The following AADAT variants were observed in gnomAD, a reference collection of about 807,000 sequenced individuals.
The protein encoded by AADAT is aminoadipate aminotransferase, also known as kynurenine/alpha-aminoadipate aminotransferase, mitochondrial.
In AADAT, 25 loss-of-function variants were observed where a neutral mutation model predicts 56.2. The observed-to-expected ratio is 0.44, with a 90% CI of 0.32 to 0.62. The LOEUF (loss-of-function observed/expected upper bound fraction) is 0.62, where lower values mean the gene tolerates loss of function less well. Ranked by LOEUF, AADAT falls within the 20% of genes least tolerant of loss-of-function variation. The pLI is 0.04. For missense variants in AADAT, 387 were observed against 510.5 expected (o/e 0.76, Z 2.33); for synonymous variants, 173 against 164.7 (o/e 1.05, Z -0.39).
Position 170,087,255 on chromosome 4 carries a change from C to A in AADAT, c.237-7G>T. The A allele has an allele frequency of 6.2e-7, 1 of 1,600,486 alleles. No individual in the cohort carries two copies. The highest frequency in any genetic ancestry group is 1.8e-5 in the Admixed American group (1 of 56,556). ...GGACAAAAGCTCTGGAATTCTAAAG[C>A]AAAAAATGTATATTTAAATTCATAG... On this transcript the variant is annotated splice_polypyrimidine_tract_variant and splice_region_variant and intron_variant, in intron 2 of 12. Coordinates refer to ENST00000337664, the MANE Select transcript of AADAT (RefSeq NM_016228.4).
intron 5 of AADAT, among the ~76,000 whole-genome samples, chr4:170,071,210 G>C (rs1731747032): frequency 6.6e-6 from 1 of 152,232 alleles, no homozygotes; most frequent in South Asian, 2.1e-4. Flanking sequence ...ACTGCGCCCA[G>C]CTAGATGGGT....
chr4:170,077,433 A>G (rs1732094469), intron 4 of AADAT, among the ~76,000 whole-genome samples: 1 of 152,056 alleles, frequency 6.6e-6, no homozygotes, highest in Non-Finnish European at 1.5e-5. Flanking sequence ...ATTCCTACGT[A>G]TTTTATTCTT....
chr4:170,072,361 C>G (rs1395597980), intron 5 of AADAT, among the ~76,000 whole-genome samples: 4 of 151,944 alleles, frequency 2.6e-5, no homozygotes, highest in African/African-American at 9.7e-5. Context: ...GTCTTGAACT[C>G]CTGGGCTCAA....
chr4:170,093,287 G>A (rs1732921506), upstream of AADAT, among the ~76,000 whole-genome samples: 1 of 152,074 alleles, frequency 6.6e-6, no homozygotes, highest in East Asian at 1.9e-4. Context: ...AAAATTAGCG[G>A]TGTTTGGTGG....
Position 170,082,956 on chromosome 4 carries a change from C to A in AADAT, c.369+4160G>T, listed in dbSNP as rs559249726. Among the ~76,000 whole-genome samples the A allele has an allele frequency of 5.9e-5, 9 of 151,356 alleles. No homozygotes were observed. The South Asian group carries it at 1.7e-3, about 28-fold the overall frequency. ...ACAATAATAGTAGGAGACTTTTTAA[C>A]ATTTCACTTAGTAATGAACAGATTA... On this transcript the variant is annotated intron_variant, in intron 3 of 12. Transcript: ENST00000337664.
At chr4:170,073,687 G>A (rs970039052) in intron 4 of AADAT, among the ~76,000 whole-genome samples, 5 of 152,020 alleles carry the variant, frequency 3.3e-5, no homozygotes, top group African/African-American at 9.6e-5. Flanking sequence ...TTTTAGTAGC[G>A]ATGGGGTTTC....
In AADAT at chr4:170,066,513, G is replaced by A. The variant is rs527720783; in HGVS notation, c.963-35C>T. The A allele has an allele frequency of 5.3e-6, 8 of 1,503,742 alleles. No homozygotes were observed. The African/African-American group carries it at 9.6e-5, about 18-fold the overall frequency. The allele number at this position is 1,503,742 out of a possible 1,614,324, so 93.1% of individuals were successfully genotyped here. On this transcript the variant is annotated intron_variant, in intron 9 of 12. Coordinates refer to ENST00000337664, the MANE Select transcript of AADAT (RefSeq NM_016228.4). ...GAAAACAATGAAATGGATGTGCTCAGTACATTGATTGCAGAAGCAAAACAG... is the reference window on the plus strand; with the variant it reads ...GAAAACAATGAAATGGATGTGCTCAATACATTGATTGCAGAAGCAAAACAG...
intron 4 of AADAT, among the ~76,000 whole-genome samples, chr4:170,073,778 C>T (rs187675579): frequency 2.6e-5 from 4 of 152,220 alleles, no homozygotes; most frequent in East Asian, 1.9e-4. Context: ...GGATTACAGC[C>T]GTGAGCTGCC....
chr4:170,090,775 A>G (rs1186276873), upstream of AADAT, among the ~76,000 whole-genome samples: 1 of 152,124 alleles, frequency 6.6e-6, no homozygotes, highest in African/African-American at 2.4e-5. Context: ...GTTTAATGTG[A>G]GCACTTAATG....
At chr4:170,090,749 A>G (rs1340064939), upstream of AADAT, among the ~76,000 whole-genome samples, 2 of 152,148 alleles carry the variant, frequency 1.3e-5, no homozygotes, top group South Asian at 2.1e-4. Context: ...TGAATCACCA[A>G]AATGGAATGT....
intron 8 of AADAT, among the ~76,000 whole-genome samples, chr4:170,067,669 C>G (rs1367781227): frequency 6.6e-6 from 1 of 152,124 alleles, no homozygotes; most frequent in East Asian, 1.9e-4. Context: ...TTCTATTTTA[C>G]TAATGAGGCA....
At position 170,087,219 on chromosome 4, in the gene AADAT, T is replaced by C. The variant is rs1732605414; in HGVS notation, c.266A>G (p.Gln89Arg). Reference sequence around the variant, plus strand: ...AGGATTATGCAATTTTATTTGTAACTGTTTTAGCCAGGACAAAAGCTCTGG... The same window carrying C: ...AGGATTATGCAATTTTATTTGTAACCGTTTTAGCCAGGACAAAAGCTCTGG... Reference protein sequence around the residue: ...GIPELLSWLKQLQIKLHNPPT... With the variant: ...GIPELLSWLKRLQIKLHNPPT... The change falls in exon 3 of 13, where the codon CAG (glutamine) becomes CGG (arginine). Residue 89 changes from glutamine (Q) to arginine (R), a missense_variant. By Grantham distance (43) the Gln-to-Arg change is conservative. Coordinates refer to ENST00000337664, the MANE Select transcript of AADAT (RefSeq NM_016228.4). The C allele has an allele frequency of 1.2e-6, 2 of 1,613,854 alleles. No individual in the cohort carries two copies. Among genetic ancestry groups the C allele is most frequent in the Admixed American group, 3.3e-5 (2 of 59,964 alleles).
At chr4:170,062,709 G>A (rs78663760) in intron 11 of AADAT, among the ~76,000 whole-genome samples, 9,239 of 152,222 alleles carry the variant, frequency 0.061, 380 homozygotes, top group Non-Finnish European at 0.092. Context: ...GTGACCATGA[G>A]AGCGAATCCT....
At chr4:170,069,251 A>G in intron 6 of AADAT, 21 bp from the exon 7 acceptor site, 2 of 1,598,318 alleles carry the variant, frequency 1.3e-6, no homozygotes, top group Non-Finnish European at 8.6e-7. Flanking sequence ...AAAATAAAAA[A>G]TACTGTTGGT....
intron 11 of AADAT, among the ~76,000 whole-genome samples, chr4:170,062,504 C>A (rs1731242722): frequency 6.6e-6 from 1 of 152,074 alleles, no homozygotes; most frequent in Non-Finnish European, 1.5e-5. Flanking sequence ...ATTCAAAGAA[C>A]TGAAAGGAGG....
chr4:170,073,389 TG>T (rs771268283), intron 4 of AADAT, 44 bp from the exon 5 acceptor site: 35 of 1,525,868 alleles, frequency 2.3e-5, no homozygotes, highest in South Asian at 3.7e-5. Flanking sequence ...TGATTACAAA[TG>T]TAAGTGCTAT....
chr4:170,089,743 AAACC>A lies in AADAT; in HGVS notation c.-57_-54del, dbSNP rs1732743849. ...CTTCTTCAGTGGTTGAGGACTAGAA[AAACC>A]AAAGAGCCTCGTCAAGTCCTGCCTG... On this transcript the variant is annotated 5_prime_UTR_variant, in exon 1 of 13. Coordinates refer to ENST00000337664, the MANE Select transcript of AADAT (RefSeq NM_016228.4). 1 of 1,589,610 alleles carries A rather than the reference AAACC, an allele frequency of 6.3e-7. No homozygotes were observed. Among genetic ancestry groups the A allele is most frequent in the Non-Finnish European group, 8.6e-7 (1 of 1,159,738 alleles).
At chr4:170,067,200 C>T (rs3796526) in intron 9 of AADAT, 127 bp downstream of exon 9, 22,412 of 666,560 alleles carry the variant, frequency 0.034, 1,049 homozygotes, top group African/African-American at 0.15. Context: ...TATAATAGAC[C>T]GTTCCTATTG....
In AADAT at chr4:170,060,571, C is replaced by T. The variant is rs1349567447; in HGVS notation, c.*357G>A. The stretch of plus-strand genomic sequence containing the variant: ...AAGTGGATTATAAATACAGTTTGGC[C>T]ATCTGATGAATTTAGAGGCACTTTA... On this transcript the variant is annotated 3_prime_UTR_variant, in exon 13 of 13. Transcript: ENST00000337664. 5.8e-6 allele frequency: 1 copy of T among 171,532 alleles called. No individual in the cohort carries two copies. The highest frequency in any genetic ancestry group is 1.2e-5 in the Non-Finnish European group (1 of 81,136). The allele number at this position is 171,532 out of a possible 1,614,324, so 10.6% of individuals were successfully genotyped here.
Sources: allele counts gnomAD v4.1 joint callset (sites outside exome capture counted in the v4.1 genomes callset), GRCh38; gene constraint gnomAD v4.1.1; transcripts MANE v1.5; gene names NCBI Gene and HGNC (gene_info 2026-07-23, HGNC 2026-07-21).